The following TMEM154 variants were observed in gnomAD, a reference collection of about 807,000 sequenced individuals.
TMEM154 encodes the protein transmembrane protein 154.
TMEM154 carries 27 observed loss-of-function variants against 24.5 expected under a neutral mutation model. That is an observed-to-expected ratio of 1.10 (90% CI 0.81 to 1.52). The LOEUF is 1.52. Among genes scored for constraint, TMEM154 ranks in the 40% most tolerant of loss-of-function variants. The pLI, the probability that TMEM154 is intolerant of heterozygous loss-of-function variation, is 0.00. For missense variants in TMEM154, 228 were observed against 213.4 expected (o/e 1.07, Z -0.43); for synonymous variants, 67 against 76.8 (o/e 0.87, Z 0.67).
At chr4:152,666,658 A>C (rs1297911457) in intron 1 of TMEM154, 1 of 152,250 alleles carries the variant, frequency 6.6e-6, no homozygotes, top group African/African-American at 2.4e-5. Context: ...TTAACTCTTC[A>C]GTTGATCTCT....
At chr4:152,674,973 T>C (rs928706562) in intron 1 of TMEM154, among the ~76,000 whole-genome samples, 7 of 151,528 alleles carry the variant, frequency 4.6e-5, no homozygotes, top group African/African-American at 1.5e-4. Context: ...CTGGCCAACA[T>C]AGTGAAACCC....
chr4:152,661,342 C>CTCTCTCTCT (rs1728608479), intron 1 of TMEM154, among the ~76,000 whole-genome samples: 4 of 136,854 alleles, frequency 2.9e-5, no homozygotes, highest in African/African-American at 5.6e-5. Flanking sequence ...CTCTCTCTCT[C>CTCTCTCTCT]CCCCCAACTC....
chr4:152,675,620 T>C (rs1342848802), intron 1 of TMEM154, among the ~76,000 whole-genome samples: 1 of 151,404 alleles, frequency 6.6e-6, no homozygotes, highest in Non-Finnish European at 1.5e-5. Flanking sequence ...AGAGTGAAAC[T>C]CTGTCTCAAA....
At chr4:152,643,283 C>T in intron 4 of TMEM154, 110 bp from the exon 5 acceptor site, 1 of 808,846 alleles carries the variant, frequency 1.2e-6, no homozygotes, top group Admixed American at 2.8e-5. Flanking sequence ...TGATTCAGTG[C>T]CTTATGCTCT....
At chr4:152,676,433 TCTTA>T (rs1469544490) in intron 1 of TMEM154, among the ~76,000 whole-genome samples, 1 of 152,208 alleles carries the variant, frequency 6.6e-6, no homozygotes, top group African/African-American at 2.4e-5. Context: ...TGAGGCAGAA[TCTTA>T]CTTAGATTCA....
intron 1 of TMEM154, among the ~76,000 whole-genome samples, chr4:152,663,536 G>C (rs1252574885): frequency 6.6e-6 from 1 of 152,256 alleles, no homozygotes; most frequent in Non-Finnish European, 1.5e-5. Context: ...CTGGGTGTGA[G>C]GGCCGAGGCT....
In TMEM154 at chr4:152,630,777, A is replaced by G. The variant is rs1300387429; in HGVS notation, c.537-2216T>C. Among the ~76,000 whole-genome samples the G allele has an allele frequency of 2.6e-5, 4 of 152,210 alleles. No individual in the cohort carries two copies. In the South Asian group the frequency reaches 8.3e-4, roughly 32 times the overall value. On this transcript the variant is annotated intron_variant, in intron 6 of 6. Coordinates refer to ENST00000304385, the MANE Select transcript of TMEM154 (RefSeq NM_152680.3). ...ACAAAAATACCAATAATCTCACTAC[A>G]TTAACATTTTGGTATTTATTCTCCC...
intron 4 of TMEM154, 42 bp downstream of exon 4, chr4:152,644,373 G>C (rs368171643): frequency 6.2e-7 from 1 of 1,610,920 alleles, no homozygotes; most frequent in African/African-American, 1.3e-5. Flanking sequence ...AACAGTTGCT[G>C]TTCACACCCC....
Position 152,652,884 on chromosome 4 carries a change from T to C in TMEM154, c.108A>G (p.Glu36=). 1.2e-6 allele frequency: 2 copies of C among 1,613,608 alleles called. No homozygotes were observed. The highest frequency in any genetic ancestry group is 2.2e-5 in the South Asian group (2 of 90,922). Residue 36 remains glutamate (E), a synonymous_variant, in exon 2 of 7, where the codon GAA becomes GAG. Coordinates refer to ENST00000304385, the MANE Select transcript of TMEM154 (RefSeq NM_152680.3). The part of the protein sequence containing the change: ...ELENSGDTTV[E]SERPNKVTIP... ...TAGTCACTTTATTTGGTCTTTCAGA[T>C]TCCACAGTTGTATCTCCTGAGTTTT...
chr4:152,639,699 A>T (rs1301086243), intron 6 of TMEM154: 1 of 152,472 alleles, frequency 6.6e-6, no homozygotes, highest in Non-Finnish European at 1.5e-5. Flanking sequence ...TACAATCCTG[A>T]AATCCTGGGC....
chr4:152,661,280 C>A (rs1728595619), intron 1 of TMEM154, among the ~76,000 whole-genome samples: 1 of 96,202 alleles, frequency 1.0e-5, no homozygotes, highest in African/African-American at 3.9e-5. Flanking sequence ...AGGGATTGTT[C>A]TCTTTCTCTC....
chr4:152,641,167 G>T, intron 5 of TMEM154, 182 bp from the exon 6 acceptor site: 1 of 549,000 alleles, frequency 1.8e-6, no homozygotes, highest in South Asian at 2.5e-5. Flanking sequence ...AATGGAAAAA[G>T]CACTAATAAC....
rs1751897579 is a variant in TMEM154 at position 152,625,154 on chromosome 4, T to C, written c.*3392A>G. On this transcript the variant is annotated 3_prime_UTR_variant, in exon 7 of 7. Transcript: ENST00000304385. ...CCACCAAAATAAAAGAATAGACAAGTATTTTCTTAACATATCCATTTCCAT... is the reference window on the plus strand; with the variant it reads ...CCACCAAAATAAAAGAATAGACAAGCATTTTCTTAACATATCCATTTCCAT... The C allele has an allele frequency of 6.6e-6, 1 of 152,242 alleles. No homozygotes were observed. The highest frequency in any genetic ancestry group is 1.5e-5 in the Non-Finnish European group (1 of 68,044). The allele number at this position is 152,242 out of a possible 1,614,324, so 9.4% of individuals were successfully genotyped here. A position where few individuals can be genotyped will look rare whatever the true frequency, so the allele number is the denominator to read the frequency against.
chr4:152,652,484 G>C, intron 3 of TMEM154, 54 bp downstream of exon 3: 1 of 1,605,978 alleles, frequency 6.2e-7, no homozygotes, highest in Non-Finnish European at 8.5e-7. Context: ...AAACATCTCT[G>C]CTCCTTCTCC....
rs1228387099 is a variant in TMEM154, at chr4:152,619,675, G to A, written c.*8871C>T. ...CTGTGAAGAAGCCCAAGGAGTCTATGGAGAGGCCCACATCATAAAAGCCAA... is the reference window on the plus strand; with the variant it reads ...CTGTGAAGAAGCCCAAGGAGTCTATAGAGAGGCCCACATCATAAAAGCCAA... On this transcript the variant is annotated 3_prime_UTR_variant, in exon 7 of 7. Transcript: ENST00000304385. 6.6e-6 allele frequency: 1 copy of A among 152,196 alleles called. No individual in the cohort carries two copies. The highest frequency in any genetic ancestry group is 1.5e-5 in the Non-Finnish European group (1 of 68,044). The allele number at this position is 152,196 out of a possible 1,614,324, so 9.4% of individuals were successfully genotyped here. A position where few individuals can be genotyped will look rare whatever the true frequency, so the allele number is the denominator to read the frequency against.
intron 1 of TMEM154, among the ~76,000 whole-genome samples, chr4:152,663,653 C>T (rs79771094): frequency 0.051 from 7,737 of 152,304 alleles, 260 homozygotes; most frequent in Non-Finnish European, 0.071. Flanking sequence ...AGTCTCTCTC[C>T]GTTTCACCAG....
At chr4:152,633,772 G>C (rs560850086) in intron 6 of TMEM154, among the ~76,000 whole-genome samples, 28 of 152,168 alleles carry the variant, frequency 1.8e-4, no homozygotes, top group African/African-American at 6.3e-4. Context: ...CCATGAGTTC[G>C]AGACCAGCCT....
chr4:152,650,851 T>C (rs1180718552), intron 3 of TMEM154, among the ~76,000 whole-genome samples: 1 of 152,226 alleles, frequency 6.6e-6, no homozygotes, highest in Non-Finnish European at 1.5e-5. Context: ...ACCAGGCCTC[T>C]TGGGTGACCA....
At position 152,663,346 on chromosome 4, in the gene TMEM154, A is replaced by T. The variant is rs146400690; in HGVS notation, c.65-10419T>A. Among the ~76,000 whole-genome samples, 118 of 152,378 alleles carry T rather than the reference A, an allele frequency of 7.7e-4. 1 individual carries two copies. The East Asian group carries it at 0.019, about 25-fold the overall frequency. ...TAAAAGAGGTGGGGCTAGAGGTAAA[A>T]CTAGCAAAGCTACAGAAGACAGAAA... On this transcript the variant is annotated intron_variant, in intron 1 of 6. Coordinates refer to ENST00000304385, the MANE Select transcript of TMEM154 (RefSeq NM_152680.3).
Sources: allele counts gnomAD v4.1 joint callset (sites outside exome capture counted in the v4.1 genomes callset), GRCh38; gene constraint gnomAD v4.1.1; transcripts MANE v1.5; gene names NCBI Gene and HGNC (gene_info 2026-07-23, HGNC 2026-07-21).